Variants in OPCML observed in about 807,000 individuals in gnomAD.
OPCML encodes the protein opioid-binding protein/cell adhesion molecule.
OPCML carries 13 observed loss-of-function variants against 37.8 expected under a neutral mutation model. The ratio of observed to expected loss-of-function variants is 0.34; its 90% CI spans 0.22 to 0.55. The LOEUF is 0.55. Among genes scored for constraint, OPCML ranks in the 20% least tolerant of loss-of-function variants. OPCML has a pLI of 0.91. For synonymous variants in OPCML, 176 were observed against 168.8 expected (o/e 1.04, Z -0.33); for missense variants, 341 against 435.6 (o/e 0.78, Z 1.93).
At chr11:133,307,802 A>G (rs1024424754) in intron 1 of OPCML, among the ~76,000 whole-genome samples, 3 of 152,096 alleles carry the variant, frequency 2.0e-5, no homozygotes, top group African/African-American at 7.2e-5. Context: ...TGCTTGATCC[A>G]TGGTAGACAA....
intron 2 of OPCML, among the ~76,000 whole-genome samples, chr11:132,704,631 A>T (rs1232079497): frequency 6.6e-6 from 1 of 152,248 alleles, no homozygotes; most frequent in African/African-American, 2.4e-5. Flanking sequence ...GAAACTCTAA[A>T]ATAAACAAAA....
intron 1 of OPCML, among the ~76,000 whole-genome samples, chr11:133,233,413 C>A (rs942837681): frequency 2.0e-5 from 3 of 152,188 alleles, no homozygotes; most frequent in Admixed American, 2.0e-4. Context: ...CCTCCCTGTA[C>A]CAGGAAGAGG....
chr11:132,794,914 A>G (rs1938211427), intron 2 of OPCML, among the ~76,000 whole-genome samples: 1 of 149,072 alleles, frequency 6.7e-6, no homozygotes, highest in Non-Finnish European at 1.5e-5. Flanking sequence ...AAAAAAAAAA[A>G]GAAACTATAA....
rs1937619783 is a variant in OPCML, at chr11:133,177,349, G to A, written c.62-234339C>T. Among the ~76,000 whole-genome samples the A allele has an allele frequency of 6.6e-6, 1 of 152,150 alleles. No individual in the cohort carries two copies. The highest frequency in any genetic ancestry group is 2.1e-4 in the South Asian group (1 of 4,830). ...ATCATTTGAAGGAAGGAAGTGGAGA[G>A]GGCTATAAATTCTGGCAGAACCCTG... is the stretch of plus-strand genomic sequence containing the variant. On this transcript the variant is annotated intron_variant, in intron 1 of 7. Transcript: ENST00000524381. This position sits in a 1 kb window ranked among gnomAD's most constrained non-coding sequence, Gnocchi z 5.0.
intron 1 of OPCML, among the ~76,000 whole-genome samples, chr11:133,294,909 C>T (rs950384601): frequency 1.2e-4 from 18 of 149,580 alleles, no homozygotes; most frequent in Admixed American, 7.3e-4. Flanking sequence ...CTGCAACCTC[C>T]GCCTCCCAGG....
intron 1 of OPCML, among the ~76,000 whole-genome samples, chr11:133,338,659 G>C (rs535553117): frequency 3.3e-5 from 5 of 152,194 alleles, no homozygotes; most frequent in African/African-American, 7.2e-5. Context: ...AAATGATGGA[G>C]AGAAAGCTCA....
chr11:132,825,834 T>C (rs1303757300), intron 2 of OPCML, among the ~76,000 whole-genome samples: 1 of 152,222 alleles, frequency 6.6e-6, no homozygotes, highest in Non-Finnish European at 1.5e-5. Context: ...TTGGGAGTCC[T>C]AGAAACAAAG....
chr11:132,932,471 G>T (rs182238633), intron 2 of OPCML, among the ~76,000 whole-genome samples: 3 of 151,830 alleles, frequency 2.0e-5, no homozygotes, highest in Non-Finnish European at 2.9e-5. Context: ...AGCAGATTTC[G>T]TTTCTCCCTC....
intron 2 of OPCML, among the ~76,000 whole-genome samples, chr11:132,792,072 C>T (rs764601326): frequency 1.3e-5 from 2 of 152,222 alleles, no homozygotes; most frequent in Non-Finnish European, 2.9e-5. Flanking sequence ...AATCATTTTA[C>T]TTGGTTATAA....
chr11:132,721,642 G>A (rs574288335), intron 2 of OPCML, among the ~76,000 whole-genome samples: 6 of 152,310 alleles, frequency 3.9e-5, no homozygotes, highest in Admixed American at 2.6e-4. Flanking sequence ...ATAAATGCAC[G>A]AGGGAAGTAT....
rs1041055154 is a variant in OPCML, at chr11:133,208,485, T to C, written c.62-265475A>G. Among the ~76,000 whole-genome samples the C allele has an allele frequency of 2.0e-5, 3 of 152,208 alleles. No individual in the cohort carries two copies. Among genetic ancestry groups the C allele is most frequent in the Non-Finnish European group, 4.4e-5 (3 of 68,038 alleles). The stretch of plus-strand genomic sequence containing the variant: ...CTTGATCTCTCAATTTTTGCATGAA[T>C]AGATTTGGATAATAAAGTGCAATGA... On this transcript the variant is annotated intron_variant, in intron 1 of 7. Transcript: ENST00000524381. The surrounding 1 kb of genome is among the most constrained non-coding windows in gnomAD (Gnocchi z 8.9).
chr11:132,493,750 C>T (rs944860634), intron 4 of OPCML, among the ~76,000 whole-genome samples: 1 of 152,192 alleles, frequency 6.6e-6, no homozygotes, highest in African/African-American at 2.4e-5. Flanking sequence ...TGTGCTTGCC[C>T]ATATCAAATC....
At chr11:133,068,029 A>C (rs1025038153) in intron 1 of OPCML, 1 of 152,240 alleles carries the variant, frequency 6.6e-6, no homozygotes, top group Admixed American at 6.5e-5. Flanking sequence ...TTTTAACAAT[A>C]ATAATGCATT....
At chr11:132,444,437 TAG>T (rs1293466931) in intron 4 of OPCML, among the ~76,000 whole-genome samples, 2 of 152,174 alleles carry the variant, frequency 1.3e-5, no homozygotes, top group Non-Finnish European at 2.9e-5. Flanking sequence ...GGAATTACGG[TAG>T]AGTTTTAGCA....
At chr11:132,930,835 C>G (rs1945175342) in intron 2 of OPCML, among the ~76,000 whole-genome samples, 2 of 152,060 alleles carry the variant, frequency 1.3e-5, no homozygotes, top group African/African-American at 4.8e-5. Context: ...TATGAAATCT[C>G]AAGAGACTGG....
intron 2 of OPCML, among the ~76,000 whole-genome samples, chr11:132,825,726 A>G (rs1277928100): frequency 6.6e-6 from 1 of 152,200 alleles, no homozygotes; most frequent in South Asian, 2.1e-4. Context: ...TCCCAGGGGA[A>G]GCTTATTAAC....
intron 4 of OPCML, 102 bp from the exon 5 acceptor site, chr11:132,437,461 C>T (rs943759067): frequency 1.3e-6 from 2 of 1,534,620 alleles, no homozygotes; most frequent in African/African-American, 2.8e-5. Context: ...GAGAAAAAGC[C>T]ATCAGAATGG....
chr11:132,851,119 G>C (rs1040964440), intron 2 of OPCML, among the ~76,000 whole-genome samples: 15 of 152,308 alleles, frequency 9.8e-5, no homozygotes, highest in East Asian at 1.9e-4. Context: ...AGTGTCAGAA[G>C]TGCCTGTGAC....
At chr11:132,421,721 G>A (rs1048473578) in intron 7 of OPCML, among the ~76,000 whole-genome samples, 1 of 152,084 alleles carries the variant, frequency 6.6e-6, no homozygotes, top group African/African-American at 2.4e-5. Context: ...CACAAAAAAG[G>A]GCGGAATCCA....
Sources: gnomAD v4.1 joint callset for allele counts (sites outside exome capture counted in the v4.1 genomes callset) on GRCh38, gnomAD v4.1.1 for gene constraint, Gnocchi (gnomAD v3.1) non-coding constraint, MANE v1.5 for transcripts, NCBI Gene and HGNC (gene_info 2026-07-23, HGNC 2026-07-21) for gene names.